The following ERC1 variants were observed in gnomAD, a reference collection of about 807,000 sequenced individuals.
ERC1 encodes ELKS/RAB6-interacting/CAST family member 1.
In ERC1, 56 loss-of-function variants were observed where a neutral mutation model predicts 132.0. The ratio of observed to expected loss-of-function variants is 0.42; its 90% CI spans 0.34 to 0.53. ERC1 has a LOEUF of 0.53. Ranked by LOEUF, ERC1 falls within the 20% of genes least tolerant of loss-of-function variation. ERC1 has a pLI of 0.03. For synonymous variants in ERC1, 478 were observed against 476.1 expected, an observed-to-expected ratio of 1.00 and a Z score of -0.05; for missense variants, 1,202 against 1,349.9, an observed-to-expected ratio of 0.89 and a Z score of 1.72.
At chr12:1,193,784 T>G (rs1181194285) in intron 12 of ERC1, among the ~76,000 whole-genome samples, 1 of 152,186 alleles carries the variant, frequency 6.6e-6, no homozygotes, top group African/African-American at 2.4e-5. Context: ...TTTATGTCCA[T>G]TGGGATTATC....
intron 15 of ERC1, among the ~76,000 whole-genome samples, chr12:1,336,139 T>C (rs61913088): frequency 7.2e-5 from 11 of 152,278 alleles, no homozygotes; most frequent in Middle Eastern, 3.4e-3. Context: ...CGTGTTTGTT[T>C]GGATTTTCTC....
chr12:1,488,379 ATC>A (rs1409053011), intron 18 of ERC1, among the ~76,000 whole-genome samples: 2 of 152,046 alleles, frequency 1.3e-5, no homozygotes, highest in African/African-American at 4.8e-5. Context: ...TTATATGACT[ATC>A]TCATTAAATC....
intron 13 of ERC1, among the ~76,000 whole-genome samples, chr12:1,260,250 C>T (rs1240928503): frequency 6.6e-6 from 1 of 152,168 alleles, no homozygotes; most frequent in Non-Finnish European, 1.5e-5. Flanking sequence ...GAAACCATTA[C>T]TCAAATTGTC....
intron 15 of ERC1, among the ~76,000 whole-genome samples, chr12:1,314,182 A>C (rs7297773): frequency 0.035 from 5,267 of 152,224 alleles, 98 homozygotes; most frequent in Middle Eastern, 0.075. Flanking sequence ...ATAAAGCCTT[A>C]AGAAAAATAC....
chr12:1,480,828 C>G, intron 18 of ERC1: 4 of 702,382 alleles, frequency 5.7e-6, no homozygotes, highest in Non-Finnish European at 1.0e-5. Flanking sequence ...TACATCTTTC[C>G]CAACTTATCC....
At chr12:1,025,484 G>T (rs1270847237) in intron 1 of ERC1, among the ~76,000 whole-genome samples, 1 of 152,056 alleles carries the variant, frequency 6.6e-6, no homozygotes, top group African/African-American at 2.4e-5. Flanking sequence ...AATTAAGTGT[G>T]TTGGTTGTTT....
intron 15 of ERC1, among the ~76,000 whole-genome samples, chr12:1,336,449 T>C (rs950687170): frequency 6.6e-6 from 1 of 152,204 alleles, no homozygotes; most frequent in Non-Finnish European, 1.5e-5. Flanking sequence ...GTATGTTGTA[T>C]CTTTGTTCTC....
chr12:1,168,415 C>T (rs1952668769), intron 8 of ERC1, among the ~76,000 whole-genome samples: 1 of 151,648 alleles, frequency 6.6e-6, no homozygotes, highest in Non-Finnish European at 1.5e-5. Flanking sequence ...TGAGCCACTG[C>T]ACTGGCCAAA....
intron 14 of ERC1, among the ~76,000 whole-genome samples, chr12:1,276,219 T>C (rs1393525216): frequency 1.4e-5 from 2 of 144,076 alleles, no homozygotes; most frequent in African/African-American, 5.0e-5. Context: ...TCTCTCATGT[T>C]TTTGTTTTTC....
intron 12 of ERC1, among the ~76,000 whole-genome samples, chr12:1,234,621 C>T (rs760479585): frequency 3.9e-5 from 6 of 152,056 alleles, no homozygotes; most frequent in South Asian, 2.1e-4. Context: ...CTATGAGAAG[C>T]GTAAAGCGCC....
At chr12:1,113,926 A>C (rs1946160293) in intron 6 of ERC1, among the ~76,000 whole-genome samples, 2 of 152,134 alleles carry the variant, frequency 1.3e-5, no homozygotes, top group Non-Finnish European at 2.9e-5. Context: ...TTGTGCTCCT[A>C]AGCTTTGTAT....
intron 7 of ERC1, among the ~76,000 whole-genome samples, chr12:1,132,914 G>A (rs1948901937): frequency 6.6e-6 from 1 of 151,670 alleles, no homozygotes; most frequent in Non-Finnish European, 1.5e-5. Flanking sequence ...GGAGTGCAGT[G>A]GCACAATCTT....
At chr12:1,212,264 T>C (rs1198546434) in intron 12 of ERC1, among the ~76,000 whole-genome samples, 1 of 152,204 alleles carries the variant, frequency 6.6e-6, no homozygotes, top group Admixed American at 6.5e-5. Flanking sequence ...CATGAGGTTT[T>C]CCCCAAGATA....
chr12:1,053,291 G>A (rs1057073169), intron 2 of ERC1, among the ~76,000 whole-genome samples: 1 of 152,162 alleles, frequency 6.6e-6, no homozygotes, highest in Non-Finnish European at 1.5e-5. Flanking sequence ...ACTTGACTAT[G>A]GAACAATTCA....
chr12:1,444,767 A>C lies in ERC1; in HGVS notation c.3213+17A>C, dbSNP rs184346475. The C allele has an allele frequency of 3.1e-5, 50 of 1,607,108 alleles. No homozygotes were observed. The East Asian group carries it at 8.9e-4, about 29-fold the overall frequency. ...CGGGGGCAGGTGAGCCTCTCACTCAAACTTTGAAAAGAGCCTGTGAAAATC... is the reference window on the plus strand; with the variant it reads ...CGGGGGCAGGTGAGCCTCTCACTCACACTTTGAAAAGAGCCTGTGAAAATC... On this transcript the variant is annotated intron_variant, in intron 18 of 18. Coordinates refer to ENST00000360905, the MANE Select transcript of ERC1 (RefSeq NM_178040.4).
intron 10 of ERC1, among the ~76,000 whole-genome samples, chr12:1,183,060 A>G (rs1954660370): frequency 6.6e-6 from 1 of 152,206 alleles, no homozygotes; most frequent in South Asian, 2.1e-4. Context: ...AACTCTTTAC[A>G]TCACTGTTCA....
chr12:1,492,064 T>A lies in ERC1; in HGVS notation c.*1834T>A. 4.3e-6 allele frequency: 1 copy of A among 233,206 alleles called. No individual in the cohort carries two copies. The highest frequency in any genetic ancestry group is 2.2e-5 in the African/African-American group (1 of 45,452). 14.4% of individuals were successfully genotyped at this position (233,206 alleles called of 1,614,324 possible). A position where few individuals can be genotyped will look rare whatever the true frequency, so the allele number is the denominator to read the frequency against. On this transcript the variant is annotated 3_prime_UTR_variant, in exon 19 of 19. Transcript: ENST00000360905. ...ACCAGCCCTTGACTGTCCCATTAAC[T>A]GACATGGTCAGATTTCCAGCTCCCC...
chr12:1,234,448 T>C (rs188322657), intron 12 of ERC1, among the ~76,000 whole-genome samples: 54 of 152,354 alleles, frequency 3.5e-4, no homozygotes, highest in African/African-American at 1.2e-3. Flanking sequence ...GGAGCATCTG[T>C]AGTATGTTAA....
chr12:1,187,454 G>T (rs1427731676), intron 11 of ERC1, among the ~76,000 whole-genome samples: 1 of 150,880 alleles, frequency 6.6e-6, no homozygotes, highest in Non-Finnish European at 1.5e-5. Context: ...TTTTGTAGAG[G>T]CGAGGTCCCA....
Sources: allele counts gnomAD v4.1 joint callset (sites outside exome capture counted in the v4.1 genomes callset), GRCh38; gene constraint gnomAD v4.1.1; transcripts MANE v1.5; gene names NCBI Gene and HGNC (gene_info 2026-07-23, HGNC 2026-07-21).